The following GALNTL6 variants were observed in gnomAD, a reference collection of about 807,000 sequenced individuals.
GALNTL6 encodes the protein polypeptide N-acetylgalactosaminyltransferase-like 6.
In GALNTL6, 46 loss-of-function variants were observed where a neutral mutation model predicts 73.7. That is an observed-to-expected ratio of 0.62 (90% CI 0.49 to 0.80). The LOEUF is 0.80. Among genes scored for constraint, GALNTL6 ranks in the 30% least tolerant of loss-of-function variants. GALNTL6 has a pLI of 0.00. For synonymous variants in GALNTL6, 259 were observed against 263.7 expected (o/e 0.98, Z 0.17); for missense variants, 604 against 755.0 (o/e 0.80, Z 2.34).
intron 2 of GALNTL6, among the ~76,000 whole-genome samples, chr4:171,821,638 C>T (rs1159818009): frequency 1.2e-4 from 4 of 33,404 alleles, no homozygotes; most frequent in African/African-American, 3.5e-4. Flanking sequence ...CAAGGCTTAA[C>T]GGATATATAT....
chr4:172,029,617 T>A (rs1326252222), intron 2 of GALNTL6, among the ~76,000 whole-genome samples: 2 of 152,080 alleles, frequency 1.3e-5, no homozygotes, highest in East Asian at 1.9e-4. Flanking sequence ...AAATAGTACA[T>A]CACTGTTCAA....
intron 2 of GALNTL6, among the ~76,000 whole-genome samples, chr4:171,956,363 T>A (rs1275128066): frequency 6.6e-6 from 1 of 152,154 alleles, no homozygotes; most frequent in African/African-American, 2.4e-5. Flanking sequence ...TAGACATATA[T>A]CTTTGTGGAA....
At position 171,978,509 on chromosome 4, in the gene GALNTL6, C is replaced by T. The variant is rs879308682; in HGVS notation, c.138+163791C>T. On this transcript the variant is annotated intron_variant, in intron 2 of 12. Transcript: ENST00000506823. ...ATTTCAACTGTAAAGCACATCTCCA[C>T]ATGAGGGGCTAATTATGGTAGTTCA... Among the ~76,000 whole-genome samples the T allele has an allele frequency of 3.9e-5, 6 of 152,270 alleles. 1 individual carries two copies. The highest frequency in any genetic ancestry group is 4.2e-4 in the South Asian group (2 of 4,816).
chr4:172,817,125 A>G (rs1213620443), intron 7 of GALNTL6, among the ~76,000 whole-genome samples: 1 of 150,902 alleles, frequency 6.6e-6, no homozygotes, highest in South Asian at 2.1e-4. Context: ...AAAAAAAAAG[A>G]AAGGAAGAAA....
At chr4:172,964,910 C>T (rs1209546200) in intron 10 of GALNTL6, among the ~76,000 whole-genome samples, 8 of 152,194 alleles carry the variant, frequency 5.3e-5, no homozygotes, top group Non-Finnish European at 7.3e-5. Flanking sequence ...AGCCAACTTT[C>T]CTGAATTCCC....
chr4:172,412,792 A>G (rs190504527), intron 5 of GALNTL6, among the ~76,000 whole-genome samples: 2 of 152,290 alleles, frequency 1.3e-5, no homozygotes, highest in Admixed American at 6.5e-5. Flanking sequence ...ACAACAAGTA[A>G]CAAAAAAATC....
chr4:172,533,550 C>A (rs1437804836), intron 5 of GALNTL6, among the ~76,000 whole-genome samples: 1 of 151,882 alleles, frequency 6.6e-6, no homozygotes, highest in East Asian at 1.9e-4. Context: ...GTCTTGAACT[C>A]CTTACTTCAT....
chr4:171,853,232 T>C, intron 2 of GALNTL6, among the ~76,000 whole-genome samples: 1 of 151,866 alleles, frequency 6.6e-6, no homozygotes, highest in East Asian at 1.9e-4. Context: ...AATATCTTAT[T>C]ACTTCCCAGA....
chr4:173,035,305 A>G (rs1753647172), intron 12 of GALNTL6, among the ~76,000 whole-genome samples: 2 of 151,702 alleles, frequency 1.3e-5, no homozygotes, highest in African/African-American at 4.8e-5. Context: ...CAGCCTCCCG[A>G]GTAGTTGGGA....
At chr4:172,353,547 G>C (rs986621540) in intron 5 of GALNTL6, among the ~76,000 whole-genome samples, 3 of 151,954 alleles carry the variant, frequency 2.0e-5, no homozygotes, top group African/African-American at 7.3e-5. Context: ...GCTTTCTTGT[G>C]AACTCATTTT....
chr4:172,636,127 A>G (rs377109535), intron 5 of GALNTL6, among the ~76,000 whole-genome samples: 2 of 152,196 alleles, frequency 1.3e-5, no homozygotes, highest in East Asian at 3.9e-4. Context: ...CTACCATACA[A>G]CTTTATGATA....
chr4:172,481,542 T>A (rs1442975701), intron 5 of GALNTL6, among the ~76,000 whole-genome samples: 1 of 151,984 alleles, frequency 6.6e-6, no homozygotes, highest in Non-Finnish European at 1.5e-5. Flanking sequence ...AGCTGATTGG[T>A]TCGTTTTACA....
At chr4:172,707,496 A>C (rs1308061118) in intron 5 of GALNTL6, among the ~76,000 whole-genome samples, 1 of 152,218 alleles carries the variant, frequency 6.6e-6, no homozygotes, top group Non-Finnish European at 1.5e-5. Context: ...TGAAATAACT[A>C]ACATGGGTTA....
intron 2 of GALNTL6, among the ~76,000 whole-genome samples, chr4:172,210,884 G>A (rs1013140538): frequency 6.6e-6 from 1 of 152,074 alleles, no homozygotes; most frequent in Non-Finnish European, 1.5e-5. Flanking sequence ...TATCAGTATA[G>A]TCTCACAGAC....
At chr4:172,846,240 C>A (rs1283425824) in intron 7 of GALNTL6, among the ~76,000 whole-genome samples, 1 of 152,110 alleles carries the variant, frequency 6.6e-6, no homozygotes, top group East Asian at 1.9e-4. Context: ...GGCCAACTAC[C>A]AGAAGCCTAT....
At chr4:172,702,002 A>AG (rs1734056802) in intron 5 of GALNTL6, among the ~76,000 whole-genome samples, 1 of 152,040 alleles carries the variant, frequency 6.6e-6, no homozygotes, top group African/African-American at 2.4e-5. Context: ...ATCAAAACTG[A>AG]GCAGGTACAT....
At chr4:172,763,956 G>GTTTT (rs1279155164) in intron 5 of GALNTL6, among the ~76,000 whole-genome samples, 1 of 85,436 alleles carries the variant, frequency 1.2e-5, no homozygotes, top group Admixed American at 1.8e-4. Flanking sequence ...CAAACAAGGT[G>GTTTT]TATTTTTTTT....
chr4:171,871,370 T>C (rs1391029804), intron 2 of GALNTL6, among the ~76,000 whole-genome samples: 1 of 152,184 alleles, frequency 6.6e-6, no homozygotes, highest in Non-Finnish European at 1.5e-5. Context: ...ATATTTTCTG[T>C]AACATTTTCA....
At chr4:172,848,129 C>T (rs764976770) in intron 7 of GALNTL6, among the ~76,000 whole-genome samples, 44 of 152,190 alleles carry the variant, frequency 2.9e-4, no homozygotes, top group Admixed American at 1.2e-3. Flanking sequence ...GACTTGGCTT[C>T]TTCTCTTGGG....
Sources: gnomAD v4.1 joint callset for allele counts (sites outside exome capture counted in the v4.1 genomes callset) on GRCh38, gnomAD v4.1.1 for gene constraint, MANE v1.5 for transcripts, NCBI Gene and HGNC (gene_info 2026-07-23, HGNC 2026-07-21) for gene names.